FAAP20: variants seen among roughly 807,000 people sequenced by gnomAD.
The protein encoded by FAAP20 is Fanconi anemia core complex-associated protein 20.
A neutral mutation model predicts 16.2 loss-of-function variants in FAAP20; 12 were observed. That is an observed-to-expected ratio of 0.74 (90% confidence interval 0.48 to 1.20). The LOEUF is 1.20. Among genes scored for constraint, FAAP20 ranks in the 50% most tolerant of loss-of-function variants. The pLI, the probability that FAAP20 is intolerant of heterozygous loss-of-function variation, is 0.00. For synonymous variants in FAAP20, 141 were observed against 110.7 expected (o/e 1.27, Z -1.72); for missense variants, 288 against 245.8 (o/e 1.17, Z -1.15).
At chr1:2,200,696 C>T (rs907632701), upstream of FAAP20, 12 of 986,906 alleles carry the variant, frequency 1.2e-5, no homozygotes, top group Admixed American at 6.1e-5. Flanking sequence ...CAAGCCGCCA[C>T]GCACCAAGTT....
At chr1:2,184,563 T>G, downstream of FAAP20, 1 of 1,603,676 alleles carries the variant, frequency 6.2e-7, no homozygotes, top group Non-Finnish European at 8.5e-7. Flanking sequence ...AGCTGACCCT[T>G]CTCCTATTGT....
chr1:2,191,834 C>T, intron 3 of FAAP20: 1 of 985,490 alleles, frequency 1.0e-6, no homozygotes, highest in Non-Finnish European at 1.2e-6. Flanking sequence ...TCACCCCTCA[C>T]CAGGTGCCCA....
chr1:2,193,802 G>C lies in FAAP20; in HGVS notation c.307C>G (p.Leu103Val). Residue 103 changes from leucine to valine, a missense_variant, in exon 3 of 4, where the codon CTG becomes GTG. By Grantham distance (32) the Leu-to-Val change is conservative. Coordinates refer to ENST00000378546, the MANE Select transcript of FAAP20 (RefSeq NM_182533.4). ...AGGTGCCCTCCTGCCCCGTGAAGCA[G>C]CCGGTAGGAACGGCCCGGGCCCCAC... Reference protein sequence around the residue: ...DLWGPGRSYRLLHGAGGHLES... With the variant: ...DLWGPGRSYRVLHGAGGHLES... The C allele has an allele frequency of 1.2e-6, 2 of 1,604,516 alleles. No individual in the cohort carries two copies. The highest frequency in any genetic ancestry group is 1.7e-6 in the Non-Finnish European group (2 of 1,177,594).
At chr1:2,194,261 G>A (rs1171213305) in intron 1 of FAAP20, 128 bp from the exon 2 acceptor site, 2 of 1,318,948 alleles carry the variant, frequency 1.5e-6, no homozygotes, top group South Asian at 1.4e-5. Context: ...TCGATGGTGC[G>A]GGAGGTGGCC....
upstream of FAAP20, chr1:2,201,008 G>A (rs931714502): frequency 3.2e-6 from 4 of 1,262,580 alleles, no homozygotes; most frequent in South Asian, 1.3e-5. Flanking sequence ...GTCCTGAGAT[G>A]AGATGCTGCC....
chr1:2,192,897 G>A (rs1441634143), intron 3 of FAAP20: 1 of 1,302,878 alleles, frequency 7.7e-7, no homozygotes, highest in South Asian at 1.2e-5. Flanking sequence ...ACCGTGCCCG[G>A]CCTTTTCTTT....
At chr1:2,212,607 T>C (rs1638237115), upstream of FAAP20, 1 of 169,570 alleles carries the variant, frequency 5.9e-6, no homozygotes, top group African/African-American at 2.4e-5. Context: ...TGGAATCTGC[T>C]GTTTGGAGGC....
downstream of FAAP20, among the ~76,000 whole-genome samples, chr1:2,208,889 G>T (rs572483336): frequency 6.5e-4 from 99 of 152,332 alleles, no homozygotes; most frequent in African/African-American, 2.2e-3. Context: ...TCCGCTTATT[G>T]GGCCCTCAGT....
upstream of FAAP20, among the ~76,000 whole-genome samples, chr1:2,201,853 T>TA (rs201771243): frequency 1.6e-4 from 24 of 151,296 alleles, no homozygotes; most frequent in East Asian, 3.9e-3. Context: ...CTGTTTCTAC[T>TA]AAAAATACAA....
chr1:2,204,229 T>G (rs1390348069), upstream of FAAP20, among the ~76,000 whole-genome samples: 2 of 152,212 alleles, frequency 1.3e-5, no homozygotes, highest in Non-Finnish European at 2.9e-5. Context: ...CCAGTGTCCC[T>G]CCGGTGACCC....
At chr1:2,210,550 C>T (rs1251172518), downstream of FAAP20, among the ~76,000 whole-genome samples, 1 of 152,194 alleles carries the variant, frequency 6.6e-6, no homozygotes, top group Non-Finnish European at 1.5e-5. Context: ...AGCAACCCCC[C>T]AGGTAAGGGG....
upstream of FAAP20, among the ~76,000 whole-genome samples, chr1:2,204,828 G>A (rs1051314519): frequency 2.6e-5 from 4 of 151,874 alleles, no homozygotes; most frequent in Non-Finnish European, 4.4e-5. Context: ...TCAGACCCGA[G>A]CTAGCTCTCC....
At chr1:2,186,650 C>G (rs559759052), downstream of FAAP20, among the ~76,000 whole-genome samples, 19 of 152,276 alleles carry the variant, frequency 1.2e-4, no homozygotes, top group African/African-American at 4.3e-4. Context: ...CACAGGTGTC[C>G]CAGACCAGCG....
intron 1 of FAAP20, among the ~76,000 whole-genome samples, chr1:2,206,847 AAG>A (rs1689277243): frequency 6.6e-6 from 1 of 150,806 alleles, no homozygotes; most frequent in Non-Finnish European, 1.5e-5. Flanking sequence ...AAAAAAAAAA[AAG>A]GCTCTGGGAC....
upstream of FAAP20, among the ~76,000 whole-genome samples, chr1:2,202,792 T>G (rs113231128): frequency 2.6e-5 from 4 of 152,274 alleles, no homozygotes; most frequent in African/African-American, 9.6e-5. Context: ...AATTTTATTT[T>G]TTGTAAAGAT....
chr1:2,193,043 C>T (rs1202454674), intron 3 of FAAP20: 24 of 1,288,340 alleles, frequency 1.9e-5, no homozygotes, highest in South Asian at 5.0e-5. Flanking sequence ...ACCTGCCGCC[C>T]ATTAACTCAA....
At chr1:2,209,249 G>A (rs1016616521), downstream of FAAP20, among the ~76,000 whole-genome samples, 6 of 151,818 alleles carry the variant, frequency 4.0e-5, no homozygotes, top group East Asian at 1.9e-4. Flanking sequence ...CCCCCGCCCC[G>A]AAAGCTTATC....
upstream of FAAP20, among the ~76,000 whole-genome samples, chr1:2,201,675 T>C (rs879463167): frequency 6.6e-6 from 1 of 151,628 alleles, no homozygotes; most frequent in Admixed American, 6.6e-5. Context: ...TGAGCCAAGA[T>C]TGTGCCACTG....
chr1:2,184,993 C>A (rs750037692), downstream of FAAP20: 1 of 1,613,350 alleles, frequency 6.2e-7, no homozygotes, highest in South Asian at 1.1e-5. Context: ...TTGCTGTCCA[C>A]CGAGGAGTCG....
Sources: gnomAD v4.1 joint callset for allele counts (sites outside exome capture counted in the v4.1 genomes callset) on GRCh38, gnomAD v4.1.1 for gene constraint, MANE v1.5 for transcripts, NCBI Gene and HGNC (gene_info 2026-07-23, HGNC 2026-07-21) for gene names.